Variants in PTPRN2 observed in about 807,000 individuals in gnomAD.
PTPRN2 encodes protein tyrosine phosphatase receptor type N2.
A neutral mutation model predicts 118.8 loss-of-function variants in PTPRN2; 74 were observed. The observed-to-expected ratio is 0.62, with a 90% CI of 0.52 to 0.76. The LOEUF is 0.76. Ranked by LOEUF, PTPRN2 falls within the 30% of genes least tolerant of loss-of-function variation. The pLI, the probability that PTPRN2 is intolerant of heterozygous loss-of-function variation, is 0.00. For synonymous variants in PTPRN2, 641 were observed against 608.0 expected (o/e 1.05, Z -0.80); for missense variants, 1,481 against 1,394.4 (o/e 1.06, Z -0.99).
At chr7:158,281,505 A>G (rs188869481) in intron 3 of PTPRN2, among the ~76,000 whole-genome samples, 3 of 152,250 alleles carry the variant, frequency 2.0e-5, no homozygotes, top group African/African-American at 7.2e-5. Context: ...AGACATTGTC[A>G]TATGCCCACA....
intron 12 of PTPRN2, among the ~76,000 whole-genome samples, chr7:157,889,278 G>C (rs1308678119): frequency 6.8e-6 from 1 of 147,798 alleles, no homozygotes; most frequent in Non-Finnish European, 1.5e-5. Context: ...TCCTTCCCTG[G>C]GTTCAGACCC....
At chr7:158,395,184 G>A (rs1812250805) in intron 2 of PTPRN2, among the ~76,000 whole-genome samples, 1 of 151,762 alleles carries the variant, frequency 6.6e-6, no homozygotes, top group Non-Finnish European at 1.5e-5. Flanking sequence ...GGGGTGGAGG[G>A]GCTGCAGTAC....
At chr7:158,461,920 A>G (rs1206812603) in intron 2 of PTPRN2, among the ~76,000 whole-genome samples, 1 of 45,630 alleles carries the variant, frequency 2.2e-5, no homozygotes, top group Non-Finnish European at 4.7e-5. Flanking sequence ...TGTGACTTCC[A>G]AGGAAACAAC....
chr7:158,489,667 C>A lies in PTPRN2; in HGVS notation c.163+68G>T. 3.4e-6 allele frequency: 5 copies of A among 1,485,296 alleles called. No individual in the cohort carries two copies. The South Asian group carries it at 6.3e-5, about 19-fold the overall frequency. The allele number at this position is 1,485,296 out of a possible 1,614,324, so 92.0% of individuals were successfully genotyped here. A position where few individuals can be genotyped will look rare whatever the true frequency, so the allele number is the denominator to read the frequency against. On this transcript the variant is annotated intron_variant, in intron 2 of 22. Coordinates refer to ENST00000389418, the MANE Select transcript of PTPRN2 (RefSeq NM_002847.5). ...CAGGCCAGCGGCGGGGCTCACCAGG[C>A]TGGGCGCTGCGCACGGCGGGCAGGA...
chr7:157,580,570 A>G (rs1800302990), intron 17 of PTPRN2, among the ~76,000 whole-genome samples: 1 of 142,802 alleles, frequency 7.0e-6, no homozygotes, highest in Non-Finnish European at 1.5e-5. Flanking sequence ...GCACCTGCAC[A>G]TCCGAGCCCC....
chr7:158,263,557 G>T (rs1797678745), intron 3 of PTPRN2, among the ~76,000 whole-genome samples: 1 of 152,218 alleles, frequency 6.6e-6, no homozygotes. Flanking sequence ...GGAGGACTTT[G>T]CCCCACCGTT....
intron 2 of PTPRN2, among the ~76,000 whole-genome samples, chr7:158,457,127 G>A (rs910272108): frequency 7.9e-5 from 12 of 152,150 alleles, no homozygotes; most frequent in Admixed American, 2.0e-4. Context: ...AATGGCGCAC[G>A]CAGGGTGGAT....
intron 11 of PTPRN2, among the ~76,000 whole-genome samples, chr7:157,913,768 G>A (rs1798225635): frequency 6.6e-6 from 1 of 152,082 alleles, no homozygotes; most frequent in Non-Finnish European, 1.5e-5. Flanking sequence ...TTACACCTAT[G>A]TTTTTGAGGA....
intron 3 of PTPRN2, among the ~76,000 whole-genome samples, chr7:158,298,722 T>C (rs919026316): frequency 6.6e-6 from 1 of 152,074 alleles, no homozygotes; most frequent in Non-Finnish European, 1.5e-5. Flanking sequence ...CTCGGGCACA[T>C]CAGGAGGAAA....
At chr7:157,749,792 T>C (rs1480439371) in intron 12 of PTPRN2, among the ~76,000 whole-genome samples, 10 of 142,924 alleles carry the variant, frequency 7.0e-5, no homozygotes, top group Non-Finnish European at 4.5e-5. Context: ...GAGGCCTGCG[T>C]CCCTCAGCTG....
chr7:158,146,784 G>A (rs778706623), intron 6 of PTPRN2, among the ~76,000 whole-genome samples: 8 of 149,354 alleles, frequency 5.4e-5, no homozygotes, highest in Non-Finnish European at 1.0e-4. Flanking sequence ...TTTCTTGAGG[G>A]CTACAACATT....
intron 11 of PTPRN2, among the ~76,000 whole-genome samples, chr7:158,080,579 TAA>T (rs372522598): frequency 7.0e-5 from 10 of 141,852 alleles, no homozygotes; most frequent in Admixed American, 1.4e-4. Flanking sequence ...TCAACAAGTT[TAA>T]AAAAAAAAAA....
intron 12 of PTPRN2, among the ~76,000 whole-genome samples, chr7:157,820,522 T>C (rs1207459952): frequency 7.0e-6 from 1 of 142,224 alleles, no homozygotes; most frequent in Non-Finnish European, 1.5e-5. Context: ...TTCTTACACA[T>C]GCACACAGCA....
At chr7:157,614,396 C>T (rs1802619718) in intron 15 of PTPRN2, among the ~76,000 whole-genome samples, 1 of 151,946 alleles carries the variant, frequency 6.6e-6, no homozygotes, top group African/African-American at 2.4e-5. Flanking sequence ...GGAAAGTGGT[C>T]ACTAAAAGAA....
At chr7:157,851,276 C>T (rs1333188454) in intron 12 of PTPRN2, among the ~76,000 whole-genome samples, 1 of 152,176 alleles carries the variant, frequency 6.6e-6, no homozygotes, top group Non-Finnish European at 1.5e-5. Flanking sequence ...TAAATAATAA[C>T]AAGAATATCA....
chr7:158,282,920 G>C (rs1160006013), intron 3 of PTPRN2, among the ~76,000 whole-genome samples: 2 of 148,300 alleles, frequency 1.3e-5, no homozygotes, highest in Non-Finnish European at 3.0e-5. Context: ...CCACACAGCA[G>C]CGGGATATAG....
At chr7:158,198,062 A>G (rs1826347881) in intron 4 of PTPRN2, among the ~76,000 whole-genome samples, 1 of 152,104 alleles carries the variant, frequency 6.6e-6, no homozygotes, top group Non-Finnish European at 1.5e-5. Context: ...TTCATGTTCT[A>G]TGTTGTCAGA....
At chr7:158,131,866 C>T (rs753987697) in intron 9 of PTPRN2, among the ~76,000 whole-genome samples, 2 of 150,710 alleles carry the variant, frequency 1.3e-5, no homozygotes, top group African/African-American at 2.5e-5. Flanking sequence ...TACCTACAAA[C>T]TGATACACAT....
chr7:158,167,669 C>T (rs1308182387), intron 5 of PTPRN2, among the ~76,000 whole-genome samples: 1 of 152,234 alleles, frequency 6.6e-6, no homozygotes, highest in Non-Finnish European at 1.5e-5. Context: ...TCCCATTCCT[C>T]CCTCCCACCC....
Sources: allele counts gnomAD v4.1 joint callset (sites outside exome capture counted in the v4.1 genomes callset), GRCh38; gene constraint gnomAD v4.1.1; transcripts MANE v1.5; gene names NCBI Gene and HGNC (gene_info 2026-07-23, HGNC 2026-07-21).